Variants in NLRC3 observed in about 807,000 individuals in gnomAD.
NLRC3 encodes the protein NLR family CARD domain-containing protein 3.
A neutral mutation model predicts 91.6 loss-of-function variants in NLRC3; 87 were observed. The observed-to-expected ratio is 0.95, with a 90% CI of 0.80 to 1.14. The LOEUF (loss-of-function observed/expected upper bound fraction) is 1.14. NLRC3 is among the 50% of genes most tolerant of loss of function. NLRC3 has a pLI of 0.00. For missense variants in NLRC3, 1,577 were observed against 1,418.6 expected, an observed-to-expected ratio of 1.11 and a Z score of -1.79; for synonymous variants, 694 against 625.3, an observed-to-expected ratio of 1.11 and a Z score of -1.64.
intron 1 of NLRC3, among the ~76,000 whole-genome samples, chr16:3,569,722 A>G (rs2040032050): frequency 6.6e-6 from 1 of 151,900 alleles, no homozygotes; most frequent in Non-Finnish European, 1.5e-5. Context: ...CTTATTTTGA[A>G]CAATTTTACC....
At position 3,564,723 on chromosome 16, in the gene NLRC3, TC is replaced by T; in HGVS notation, c.213del (p.Ser72AlafsTer25). The T allele has an allele frequency of 6.3e-7, 1 of 1,594,044 alleles. No homozygotes were observed. The highest frequency in any genetic ancestry group is 8.5e-7 in the Non-Finnish European group (1 of 1,175,928). On this transcript the variant is annotated frameshift_variant, in exon 5 of 20. Transcript: ENST00000359128. LOFTEE classifies it high-confidence loss of function. The surrounding 1 kb of genome is among the most constrained non-coding windows in gnomAD (Gnocchi z 5.9). ...SRIQRHRKAL[L>X]SKVGGGPELG... ...AGCTCCGGGCCACCTCCCACCTTGC[TC>T]AGCAGGGCCTTGCGGTGCCTCTGTA...
rs774673028 is a variant in NLRC3, at chr16:3,563,887, C to G, written c.1050G>C (p.Gln350His). ...TCCTCGGGGGCCACAGCTCTGCATCCTGGGGCCCCGTCCTGCTGCGCCACA... is the reference window on the plus strand; with the variant it reads ...TCCTCGGGGGCCACAGCTCTGCATCGTGGGGCCCCGTCCTGCTGCGCCACA... ...GHLWRSRTGP[Q>H]DAELWPPRTL... Residue 350 changes from glutamine (Q) to histidine (H), a missense_variant, in exon 5 of 20, where the codon CAG becomes CAC. Coordinates refer to ENST00000359128, the MANE Select transcript of NLRC3 (RefSeq NM_178844.4). 14 of 1,599,508 alleles carry G rather than the reference C, an allele frequency of 8.8e-6. No homozygotes were observed. The South Asian group carries it at 1.6e-4, about 18-fold the overall frequency.
In NLRC3 at chr16:3,548,657, G is replaced by A. The variant is rs752464583; in HGVS notation, c.2687+13C>T. 10 of 1,548,688 alleles carry A rather than the reference G, an allele frequency of 6.5e-6. No individual in the cohort carries two copies. Among genetic ancestry groups the A allele is most frequent in the Non-Finnish European group, 8.8e-6 (10 of 1,137,384 alleles). ...GAAGGGGAACAGAGCAGGGTGGAGA[G>A]CTGCAGACTCACTGAAGGGAGGTGA... On this transcript the variant is annotated intron_variant, in intron 14 of 19. Transcript: ENST00000359128.
rs1036380379 is a variant in NLRC3 at position 3,546,411 on chromosome 16, G to A, written c.2771+1724C>T. 3.4e-3 allele frequency among the ~76,000 whole-genome samples: 502 copies of A among 145,828 alleles called. 2 individuals carry two copies. The highest frequency in any genetic ancestry group is 0.01 in the African/African-American group (400 of 38,402). On this transcript the variant is annotated intron_variant, in intron 15 of 19. Transcript: ENST00000359128. ...GTCTCTATTAAAAAAAAAAAAAAAA[G>A]CTGGGCGTGGTGTTGGGCACCTGTA...
In NLRC3 at chr16:3,577,043, C is replaced by G. The variant is rs1478483879; in HGVS notation, c.-169+106G>C. ...TTCTTGGAGTCTCGTGGAGTCTCCC[C>G]AGTCCCCCTCCCCAGAGTAGCTCAG... On this transcript the variant is annotated intron_variant, in intron 1 of 19. Transcript: ENST00000359128. 6 of 698,024 alleles carry G rather than the reference C, an allele frequency of 8.6e-6. No homozygotes were observed. In the East Asian group the frequency reaches 1.3e-4, roughly 16 times the overall value. 43.2% of individuals were successfully genotyped at this position (698,024 alleles called of 1,614,324 possible).
At chr16:3,549,927 T>C in intron 11 of NLRC3, 147 bp from the exon 12 acceptor site, 1 of 603,226 alleles carries the variant, frequency 1.7e-6, no homozygotes, top group Non-Finnish European at 2.9e-6. Flanking sequence ...TCTTCTCATC[T>C]CTCTTTCCTC....
intron 5 of NLRC3, among the ~76,000 whole-genome samples, chr16:3,562,139 C>T (rs970050140): frequency 1.1e-4 from 17 of 152,120 alleles, no homozygotes; most frequent in African/African-American, 3.6e-4. Flanking sequence ...AAGCATTCAG[C>T]GGGTGTGCAG....
intron 2 of NLRC3, 88 bp from the exon 3 acceptor site, chr16:3,565,468 GCAAAA>G: frequency 5.5e-3 from 33 of 5,978 alleles, no homozygotes; most frequent in South Asian, 9.0e-3. Flanking sequence ...GTGGGAAAAA[GCAAAA>G]AAAAAAAAAA....
At chr16:3,561,133 C>G (rs2039590116) in intron 6 of NLRC3, among the ~76,000 whole-genome samples, 1 of 151,932 alleles carries the variant, frequency 6.6e-6, no homozygotes, top group Non-Finnish European at 1.5e-5. Flanking sequence ...TGGCGGATCA[C>G]AAGGTCAGGA....
intron 16 of NLRC3, 97 bp downstream of exon 16, chr16:3,544,149 C>A (rs1461719544): frequency 5.4e-6 from 4 of 737,790 alleles, no homozygotes; most frequent in Admixed American, 2.4e-5. Context: ...CAGAGCAAGA[C>A]TCTTGTCTCG....
At position 3,564,337 on chromosome 16, in the gene NLRC3, G is replaced by C. The variant is rs749254867; in HGVS notation, c.600C>G (p.His200Gln). 3.7e-6 allele frequency: 6 copies of C among 1,611,670 alleles called. No homozygotes were observed. Among genetic ancestry groups the C allele is most frequent in the Non-Finnish European group, 5.1e-6 (6 of 1,179,672 alleles). Residue 200 changes from histidine (H) to glutamine (Q), a missense_variant, in exon 5 of 20, where the codon CAC becomes CAG. Transcript: ENST00000359128. The surrounding 1 kb of genome is among the most constrained non-coding windows in gnomAD (Gnocchi z 5.9). ...ADRLICSVFPHVGEPSLAVAV... is the reference protein window; with the variant it reads ...ADRLICSVFPQVGEPSLAVAV... ...CCACCGCCAGGCTGGGCTCCCCGAC[G>C]TGCGGGAAGACCGAGCAGATGAGTC...
chr16:3,569,885 T>C (rs2040037970), intron 1 of NLRC3, among the ~76,000 whole-genome samples: 1 of 152,210 alleles, frequency 6.6e-6, no homozygotes, highest in South Asian at 2.1e-4. Flanking sequence ...AGAGAAAGAT[T>C]TATTTTGTTC....
Position 3,563,429 on chromosome 16 carries a change from A to G in NLRC3, c.1508T>C (p.Met503Thr), listed in dbSNP as rs2039706444. 2.5e-6 allele frequency: 4 copies of G among 1,575,550 alleles called. No homozygotes were observed. The highest frequency in any genetic ancestry group is 3.4e-6 in the Non-Finnish European group (4 of 1,161,096). The change falls in exon 5 of 20, where the codon ATG becomes ACG. Residue 503 changes from methionine (M) to threonine (T), a missense_variant. By Grantham distance (81) the Met-to-Thr change is moderately conservative. Coordinates refer to ENST00000359128, the MANE Select transcript of NLRC3 (RefSeq NM_178844.4). ...GTCCAGCCTCCCGTCCTCTGCCTGC[A>G]TGGCCCGCTGGGCTGCGCTCCTGAA... The part of the protein sequence containing the change: ...THFRSAAQRA[M>T]QAEDGRLDVF...
rs1337461185 is a variant in NLRC3, at chr16:3,564,080, A to G, written c.857T>C (p.Ile286Thr). 3 of 1,613,302 alleles carry G rather than the reference A, an allele frequency of 1.9e-6. No individual in the cohort carries two copies. The highest frequency in any genetic ancestry group is 2.5e-6 in the Non-Finnish European group (3 of 1,179,896). Residue 286 changes from isoleucine to threonine, a missense_variant, in exon 5 of 20, where the codon ATC becomes ACC. Coordinates refer to ENST00000359128, the MANE Select transcript of NLRC3 (RefSeq NM_178844.4). This position sits in a 1 kb window ranked among gnomAD's most constrained non-coding sequence, Gnocchi z 5.9. ...GATCTCCTCCTCGTTAAAGCCCCGG[A>G]TCTCCGTCATCCGGTCCACCAGGCC... Reference protein sequence around the residue: ...PGGLVDRMTEIRGFNEEEIKV... With the variant: ...PGGLVDRMTETRGFNEEEIKV...
chr16:3,565,212 A>G (rs2039825276), intron 3 of NLRC3, 107 bp downstream of exon 3: 5 of 699,512 alleles, frequency 7.1e-6, no homozygotes, highest in Non-Finnish European at 1.3e-5. Context: ...CTGAGAATGG[A>G]CTGGAAGGGC....
At chr16:3,561,948 G>A (rs994315225) in intron 5 of NLRC3, among the ~76,000 whole-genome samples, 160 bp from the exon 6 acceptor site, 1 of 152,248 alleles carries the variant, frequency 6.6e-6, no homozygotes, top group Non-Finnish European at 1.5e-5. Context: ...CCGTGAGAGT[G>A]AACAGGAGGC....
At position 3,549,590 on chromosome 16, in the gene NLRC3, T is replaced by C. The variant is rs566363008; in HGVS notation, c.2519+107A>G. ...AAAAGGGCCAGGCTGCCAGGAAGGC[T>C]TCCCCAGCCATAGATTTCCCTGAGA... On this transcript the variant is annotated intron_variant, in intron 12 of 19. Coordinates refer to ENST00000359128, the MANE Select transcript of NLRC3 (RefSeq NM_178844.4). 3.9e-4 allele frequency: 343 copies of C among 884,838 alleles called. 3 individuals are homozygous for C. In the East Asian group the frequency reaches 9.1e-3, roughly 23 times the overall value. 54.8% of individuals were successfully genotyped at this position (884,838 alleles called of 1,614,324 possible).
chr16:3,550,882 A>T (rs1409941875), intron 10 of NLRC3, among the ~76,000 whole-genome samples: 2 of 152,148 alleles, frequency 1.3e-5, no homozygotes, highest in Non-Finnish European at 2.9e-5. Flanking sequence ...CTCCTCGGTT[A>T]GTGCTTTTGG....
chr16:3,566,752 G>A (rs1042906104), intron 2 of NLRC3, among the ~76,000 whole-genome samples: 11 of 151,818 alleles, frequency 7.2e-5, no homozygotes, highest in Admixed American at 1.3e-4. Flanking sequence ...TTAGCCAGGC[G>A]TGGTGGCTGG....
Sources: gnomAD v4.1 joint callset for allele counts (sites outside exome capture counted in the v4.1 genomes callset) on GRCh38, gnomAD v4.1.1 for gene constraint, Gnocchi (gnomAD v3.1) non-coding constraint, MANE v1.5 for transcripts, NCBI Gene and HGNC (gene_info 2026-07-23, HGNC 2026-07-21) for gene names.